ADAM22: variants seen among roughly 807,000 people sequenced by gnomAD.
The protein encoded by ADAM22 is ADAM metallopeptidase domain 22.
Under a neutral mutation model 144.6 loss-of-function variants are expected in ADAM22, and 65 were observed. The ratio of observed to expected loss-of-function variants is 0.45; its 90% CI spans 0.37 to 0.55. ADAM22 has a LOEUF of 0.55. ADAM22 is among the 20% of genes least tolerant of loss of function. The pLI, the probability that ADAM22 is intolerant of heterozygous loss-of-function variation, is 0.00. For missense variants in ADAM22, 974 were observed against 1,184.9 expected (o/e 0.82, Z 2.61); for synonymous variants, 391 against 412.6 (o/e 0.95, Z 0.63).
chr7:87,980,331 G>A (rs1853043176), intron 3 of ADAM22, among the ~76,000 whole-genome samples: 1 of 127,320 alleles, frequency 7.9e-6, no homozygotes, highest in Non-Finnish European at 1.5e-5. Flanking sequence ...TAGGTGGCAG[G>A]TGGCTGTTAT....
intron 2 of ADAM22, among the ~76,000 whole-genome samples, chr7:87,974,574 G>A (rs1476124323): frequency 2.0e-5 from 3 of 152,190 alleles, no homozygotes; most frequent in African/African-American, 7.2e-5. Flanking sequence ...AAACTGTGGA[G>A]GAAAGTGACA....
intron 4 of ADAM22, among the ~76,000 whole-genome samples, chr7:88,080,694 C>T (rs1459626380): frequency 6.6e-6 from 1 of 152,094 alleles, no homozygotes; most frequent in African/African-American, 2.4e-5. Flanking sequence ...GAAATACAAA[C>T]TACCATCAGA....
At chr7:88,110,125 C>T (rs961780701) in intron 5 of ADAM22, among the ~76,000 whole-genome samples, 1 of 152,130 alleles carries the variant, frequency 6.6e-6, no homozygotes, top group Non-Finnish European at 1.5e-5. Flanking sequence ...ACTTTAAATA[C>T]ATTATTTGAA....
chr7:88,191,296 C>T (rs916969751), intron 30 of ADAM22, among the ~76,000 whole-genome samples: 1 of 152,172 alleles, frequency 6.6e-6, no homozygotes, highest in African/African-American at 2.4e-5. Flanking sequence ...GACCCATGGC[C>T]AAGTTAAAGC....
At chr7:88,082,015 A>G (rs977028893) in intron 4 of ADAM22, among the ~76,000 whole-genome samples, 11 of 152,254 alleles carry the variant, frequency 7.2e-5, no homozygotes, top group Non-Finnish European at 1.5e-4. Context: ...ACCAAAAAGA[A>G]CCCACATTGC....
chr7:88,084,293 A>C (rs1817802320), intron 4 of ADAM22, among the ~76,000 whole-genome samples: 2 of 152,274 alleles, frequency 1.3e-5, no homozygotes, highest in East Asian at 1.9e-4. Context: ...CTGATTTTCC[A>C]ACCTGAGATT....
intron 3 of ADAM22, among the ~76,000 whole-genome samples, chr7:88,056,977 T>G (rs146364212): frequency 2.2e-3 from 341 of 152,308 alleles, no homozygotes; most frequent in African/African-American, 8.1e-3. Context: ...CTTTCAAAAC[T>G]TATACAGCCA....
intron 3 of ADAM22, among the ~76,000 whole-genome samples, chr7:87,985,049 C>T (rs1239379870): frequency 6.6e-6 from 1 of 150,696 alleles, no homozygotes; most frequent in African/African-American, 2.4e-5. Flanking sequence ...TGCGGTGGCT[C>T]ACGCGTGTAA....
At chr7:87,985,678 G>GATAT (rs1472834236) in intron 3 of ADAM22, among the ~76,000 whole-genome samples, 1 of 152,094 alleles carries the variant, frequency 6.6e-6, no homozygotes, top group African/African-American at 2.4e-5. Flanking sequence ...GCATTGTATT[G>GATAT]ATATATCACA....
At chr7:87,954,389 C>T (rs1371918623) in intron 2 of ADAM22, among the ~76,000 whole-genome samples, 1 of 151,952 alleles carries the variant, frequency 6.6e-6, no homozygotes, top group Non-Finnish European at 1.5e-5. Flanking sequence ...TTTTATTTCT[C>T]CTTCACTTAT....
intron 2 of ADAM22, among the ~76,000 whole-genome samples, chr7:87,949,231 C>T (rs1187728496): frequency 6.6e-6 from 1 of 152,008 alleles, no homozygotes; most frequent in African/African-American, 2.4e-5. Context: ...AGTAGCTGTC[C>T]CTCTTGCTTC....
At chr7:88,006,447 A>G (rs564267618) in intron 3 of ADAM22, among the ~76,000 whole-genome samples, 1 of 152,112 alleles carries the variant, frequency 6.6e-6, no homozygotes, top group Non-Finnish European at 1.5e-5. Context: ...AGACACAACC[A>G]AAAAAGAGAA....
intron 2 of ADAM22, among the ~76,000 whole-genome samples, chr7:87,953,119 T>C (rs1435818102): frequency 6.8e-6 from 1 of 147,986 alleles, no homozygotes; most frequent in South Asian, 2.1e-4. Context: ...TTTTGAAGGG[T>C]TTTTTTTTTG....
At chr7:87,936,655 C>A (rs764613250) in intron 2 of ADAM22, among the ~76,000 whole-genome samples, 10 of 152,018 alleles carry the variant, frequency 6.6e-5, no homozygotes, top group African/African-American at 2.4e-4. Context: ...CATATCATTT[C>A]ATTCATAAAA....
At chr7:88,009,377 T>C (rs1374965103) in intron 3 of ADAM22, among the ~76,000 whole-genome samples, 1 of 152,226 alleles carries the variant, frequency 6.6e-6, no homozygotes, top group East Asian at 1.9e-4. Context: ...TTCAATTGGT[T>C]ACGTGGCCAT....
At chr7:88,003,532 T>C (rs1157210730) in intron 3 of ADAM22, among the ~76,000 whole-genome samples, 1 of 152,192 alleles carries the variant, frequency 6.6e-6, no homozygotes, top group Non-Finnish European at 1.5e-5. Context: ...AGAATCACAC[T>C]GAATTTTTTT....
chr7:88,159,015 A>C (rs974549252), intron 22 of ADAM22, among the ~76,000 whole-genome samples: 1 of 151,980 alleles, frequency 6.6e-6, no homozygotes, highest in Non-Finnish European at 1.5e-5. Context: ...TAGATAGACT[A>C]ATAAAGAAGA....
rs375384338 is a variant in ADAM22, at chr7:88,018,434, A to AT, written c.323+40030dup. 1.5e-4 allele frequency among the ~76,000 whole-genome samples: 23 copies of AT among 152,128 alleles called. 1 individual carries two copies. The highest frequency in any genetic ancestry group is 1.1e-3 in the Admixed American group (17 of 15,264). On this transcript the variant is annotated intron_variant, in intron 3 of 31. Coordinates refer to ENST00000413139, the MANE Select transcript of ADAM22 (RefSeq NM_001324418.2). ...AAGTAAATAATATGAGAAAATCTAG[A>AT]TTTTTTTTCCCCCATTACTGTTCTA...
At position 88,197,802 on chromosome 7, in the gene ADAM22, C is replaced by T. The variant is rs1415574635; in HGVS notation, c.*1311C>T. ...GGAAGATTCTACTGTTTGAGTTGAGCAGCTTCAACCATTCATAAAGGGTTA... is the reference window on the plus strand; with the variant it reads ...GGAAGATTCTACTGTTTGAGTTGAGTAGCTTCAACCATTCATAAAGGGTTA... On this transcript the variant is annotated 3_prime_UTR_variant, in exon 32 of 32. Coordinates refer to ENST00000413139, the MANE Select transcript of ADAM22 (RefSeq NM_001324418.2). 6.6e-6 allele frequency: 1 copy of T among 152,210 alleles called. No homozygotes were observed. The highest frequency in any genetic ancestry group is 2.4e-5 in the African/African-American group (1 of 41,448). The allele number at this position is 152,210 out of a possible 1,614,324, so 9.4% of individuals were successfully genotyped here. A position where few individuals can be genotyped will look rare whatever the true frequency, so the allele number is the denominator to read the frequency against.
Sources: allele counts gnomAD v4.1 joint callset (sites outside exome capture counted in the v4.1 genomes callset), GRCh38; gene constraint gnomAD v4.1.1; transcripts MANE v1.5; gene names NCBI Gene and HGNC (gene_info 2026-07-23, HGNC 2026-07-21).